Variants in KCNIP4 observed in about 807,000 individuals in gnomAD.
KCNIP4 encodes the protein potassium voltage-gated channel interacting protein 4.
Under a neutral mutation model 34.0 loss-of-function variants are expected in KCNIP4, and 12 were observed. That is an observed-to-expected ratio of 0.35 (90% CI 0.23 to 0.57). The LOEUF (loss-of-function observed/expected upper bound fraction) is 0.57, where lower values mean the gene tolerates loss of function less well. Ranked by LOEUF, KCNIP4 falls within the 20% of genes least tolerant of loss-of-function variation. The probability of loss-of-function intolerance (pLI) is 0.83; values close to 1 mark genes in which losing one functional copy is unlikely to be tolerated. For missense variants in KCNIP4, 238 were observed against 311.7 expected, an observed-to-expected ratio of 0.76 and a Z score of 1.78; for synonymous variants, 124 against 102.2, an observed-to-expected ratio of 1.21 and a Z score of -1.29.
intron 1 of KCNIP4, among the ~76,000 whole-genome samples, chr4:21,818,463 C>T (rs1333179802): frequency 6.6e-6 from 1 of 152,146 alleles, no homozygotes; most frequent in Non-Finnish European, 1.5e-5. Flanking sequence ...AATTGAAAAC[C>T]CCTGATACAT....
rs542779320 is a variant in KCNIP4 at position 21,502,896 on chromosome 4, T to C, written c.61+445675A>G. Among the ~76,000 whole-genome samples the C allele has an allele frequency of 2.6e-5, 4 of 152,308 alleles. No homozygotes were observed. The South Asian group carries it at 8.3e-4, about 32-fold the overall frequency. Reference sequence around the variant, plus strand: ...TGCATTATAATTTTTGGAAGACATTTATACCCATAGTTTGTTGAATCTATA... The same window carrying C: ...TGCATTATAATTTTTGGAAGACATTCATACCCATAGTTTGTTGAATCTATA... On this transcript the variant is annotated intron_variant, in intron 1 of 8. Transcript: ENST00000382152.
intron 1 of KCNIP4, among the ~76,000 whole-genome samples, chr4:21,249,613 C>T (rs1364781025): frequency 6.6e-6 from 1 of 152,030 alleles, no homozygotes; most frequent in Non-Finnish European, 1.5e-5. Flanking sequence ...ATAATAATCA[C>T]TTCTTCTCTT....
chr4:21,729,005 G>T (rs769995891), intron 1 of KCNIP4, among the ~76,000 whole-genome samples: 4 of 152,030 alleles, frequency 2.6e-5, no homozygotes, highest in African/African-American at 9.7e-5. Flanking sequence ...ACACATGCAC[G>T]CTTGTTCCTT....
intron 1 of KCNIP4, among the ~76,000 whole-genome samples, chr4:21,720,410 AT>A (rs1249261546): frequency 1.1e-4 from 17 of 151,874 alleles, no homozygotes; most frequent in Admixed American, 2.6e-4. Flanking sequence ...TGCCTTCTTG[AT>A]TTTCATATCT....
chr4:21,838,241 G>C (rs1723467062), intron 1 of KCNIP4, among the ~76,000 whole-genome samples: 1 of 152,016 alleles, frequency 6.6e-6, no homozygotes, highest in Non-Finnish European at 1.5e-5. Flanking sequence ...TAACTAATAG[G>C]AACCCCCTGA....
intron 1 of KCNIP4, among the ~76,000 whole-genome samples, chr4:21,007,649 T>C (rs1439801701): frequency 1.3e-5 from 2 of 152,186 alleles, no homozygotes; most frequent in Admixed American, 6.5e-5. Flanking sequence ...ATGTAATCTT[T>C]AGGCAACCAA....
intron 1 of KCNIP4, among the ~76,000 whole-genome samples, chr4:21,041,641 A>G (rs1192808741): frequency 6.6e-6 from 1 of 152,226 alleles, no homozygotes; most frequent in Non-Finnish European, 1.5e-5. Context: ...AATTGCAATC[A>G]GATAGAAACT....
At chr4:21,529,389 A>G (rs1251493690) in intron 1 of KCNIP4, among the ~76,000 whole-genome samples, 1 of 152,186 alleles carries the variant, frequency 6.6e-6, no homozygotes, top group East Asian at 1.9e-4. Context: ...AGTTCCAGAC[A>G]GTGGTTAAAG....
chr4:20,735,519 T>G (rs146595370), intron 5 of KCNIP4, among the ~76,000 whole-genome samples: 6 of 87,096 alleles, frequency 6.9e-5, no homozygotes, highest in Non-Finnish European at 1.4e-4. Flanking sequence ...TCATTTAGTG[T>G]TTTTTTTTTT....
chr4:21,385,226 T>C (rs1157479739), intron 1 of KCNIP4, among the ~76,000 whole-genome samples: 4 of 152,226 alleles, frequency 2.6e-5, no homozygotes, highest in Middle Eastern at 3.4e-3. Context: ...TTGTTCTGGT[T>C]AAAGGGTGTT....
chr4:21,600,076 TC>T (rs1310469022), intron 1 of KCNIP4, among the ~76,000 whole-genome samples: 8 of 152,228 alleles, frequency 5.3e-5, no homozygotes, highest in Admixed American at 2.6e-4. Flanking sequence ...ACTGCTTCTT[TC>T]TTCATTCCCT....
At chr4:21,464,384 G>T (rs550088782) in intron 1 of KCNIP4, among the ~76,000 whole-genome samples, 4 of 151,580 alleles carry the variant, frequency 2.6e-5, no homozygotes, top group Non-Finnish European at 4.4e-5. Context: ...ATAATTTTTC[G>T]TATGTTTTAT....
chr4:20,885,754 C>T (rs1725233142), intron 1 of KCNIP4, among the ~76,000 whole-genome samples: 1 of 152,186 alleles, frequency 6.6e-6, no homozygotes, highest in African/African-American at 2.4e-5. Flanking sequence ...GCACTTATCA[C>T]AGTGACAGCC....
At chr4:21,046,918 T>C (rs1339876203) in intron 1 of KCNIP4, among the ~76,000 whole-genome samples, 1 of 152,220 alleles carries the variant, frequency 6.6e-6, no homozygotes, top group Non-Finnish European at 1.5e-5. Context: ...TATATACTTT[T>C]ATTACTGTTG....
chr4:20,767,080 T>C (rs1348786301), intron 3 of KCNIP4: 1 of 152,196 alleles, frequency 6.6e-6, no homozygotes, highest in Non-Finnish European at 1.5e-5. Flanking sequence ...GGTAATAGTT[T>C]AGGATTTGGT....
chr4:20,946,209 T>C (rs1207833555), intron 1 of KCNIP4, among the ~76,000 whole-genome samples: 1 of 152,094 alleles, frequency 6.6e-6, no homozygotes, highest in East Asian at 1.9e-4. Context: ...GAAAACATGC[T>C]TTGAGAAACC....
rs756344052 is a variant in KCNIP4 at position 20,922,392 on chromosome 4, C to T, written c.62-39683G>A. 4.2e-4 allele frequency among the ~76,000 whole-genome samples: 64 copies of T among 152,260 alleles called. 1 individual carries two copies. Among genetic ancestry groups the T allele is most frequent in the Non-Finnish European group, 1.9e-4 (13 of 68,018 alleles). ...GAGCTGTGATATCCATCTTCTCCTG[C>T]TCCCAGACATTGTAGCGTCTGGTTC... On this transcript the variant is annotated intron_variant, in intron 1 of 8. Coordinates refer to ENST00000382152, the MANE Select transcript of KCNIP4 (RefSeq NM_025221.6).
chr4:21,141,951 A>C (rs186032266), intron 1 of KCNIP4, among the ~76,000 whole-genome samples: 1 of 151,166 alleles, frequency 6.6e-6, no homozygotes, highest in Non-Finnish European at 1.5e-5. Flanking sequence ...GAAGTTCGAG[A>C]CCAGCCTGGC....
chr4:20,802,005 A>G (rs1383989963), intron 3 of KCNIP4, among the ~76,000 whole-genome samples: 1 of 151,750 alleles, frequency 6.6e-6, no homozygotes, highest in Non-Finnish European at 1.5e-5. Context: ...TCAGACTTCA[A>G]TTAAAAAAAC....
Sources: allele counts gnomAD v4.1 joint callset (sites outside exome capture counted in the v4.1 genomes callset), GRCh38; gene constraint gnomAD v4.1.1; transcripts MANE v1.5; gene names NCBI Gene and HGNC (gene_info 2026-07-23, HGNC 2026-07-21).